The following TAFA4 variants were observed in gnomAD, a reference collection of about 807,000 sequenced individuals.
TAFA4 encodes the protein chemokine-like protein TAFA-4.
In TAFA4, 20 loss-of-function variants were observed where a neutral mutation model predicts 21.1. The observed-to-expected ratio is 0.95, with a 90% CI of 0.67 to 1.38. The LOEUF (loss-of-function observed/expected upper bound fraction) is 1.38. TAFA4 is among the 40% of genes most tolerant of loss of function. TAFA4 has a pLI of 0.00. For missense variants in TAFA4, 211 were observed against 180.9 expected, an observed-to-expected ratio of 1.17 and a Z score of -0.95; for synonymous variants, 71 against 67.4, an observed-to-expected ratio of 1.05 and a Z score of -0.26.
At chr3:68,745,803 C>T (rs1157698874) in intron 4 of TAFA4, among the ~76,000 whole-genome samples, 1 of 152,206 alleles carries the variant, frequency 6.6e-6, no homozygotes, top group Non-Finnish European at 1.5e-5. Context: ...GCTCACTTTT[C>T]ATGAGTTGGA....
At chr3:68,837,953 G>A (rs1045398319) in intron 3 of TAFA4, among the ~76,000 whole-genome samples, 4 of 151,734 alleles carry the variant, frequency 2.6e-5, no homozygotes, top group Admixed American at 6.6e-5. Context: ...TGTATACATC[G>A]TGGAATCTCT....
intron 4 of TAFA4, among the ~76,000 whole-genome samples, chr3:68,748,539 G>A (rs907845810): frequency 3.3e-5 from 5 of 152,120 alleles, no homozygotes; most frequent in Admixed American, 2.0e-4. Context: ...TCAGGAGATC[G>A]AGACCATCCT....
intron 3 of TAFA4, among the ~76,000 whole-genome samples, chr3:68,809,598 C>T (rs1266772962): frequency 6.9e-6 from 1 of 145,618 alleles, no homozygotes; most frequent in East Asian, 2.0e-4. Context: ...TCTTTTGTTG[C>T]CAGTGCTCTG....
At chr3:68,825,443 A>G (rs1461925368) in intron 3 of TAFA4, among the ~76,000 whole-genome samples, 5 of 151,578 alleles carry the variant, frequency 3.3e-5, no homozygotes, top group African/African-American at 1.2e-4. Flanking sequence ...AAATTATTCT[A>G]TTATAAAGAT....
chr3:68,760,439 G>T (rs888061938), intron 3 of TAFA4, among the ~76,000 whole-genome samples: 1 of 152,176 alleles, frequency 6.6e-6, no homozygotes, highest in African/African-American at 2.4e-5. Context: ...GAAAGCATCA[G>T]ATTAGGGAGA....
intron 3 of TAFA4, among the ~76,000 whole-genome samples, chr3:68,800,503 C>A (rs183914629): frequency 6.6e-6 from 1 of 152,146 alleles, no homozygotes; most frequent in Non-Finnish European, 1.5e-5. Flanking sequence ...TCAAACTTGT[C>A]GAAACAGATA....
chr3:68,742,835 T>C (rs1363812256), intron 4 of TAFA4, among the ~76,000 whole-genome samples: 1 of 152,158 alleles, frequency 6.6e-6, no homozygotes, highest in Non-Finnish European at 1.5e-5. Flanking sequence ...TCAAACAAGC[T>C]CTTGAAGAGA....
intron 3 of TAFA4, among the ~76,000 whole-genome samples, chr3:68,805,822 AG>A (rs1703685181): frequency 6.6e-6 from 1 of 150,594 alleles, no homozygotes; most frequent in African/African-American, 2.5e-5. Context: ...GGGGGAGGAG[AG>A]GGGGATAGTA....
chr3:68,858,577 C>T (rs986333953), intron 3 of TAFA4, among the ~76,000 whole-genome samples: 27 of 146,158 alleles, frequency 1.8e-4, no homozygotes, highest in African/African-American at 5.3e-4. Flanking sequence ...TTCCAAGTGA[C>T]GTGTGTGTGT....
At chr3:68,919,320 GA>G (rs2090035055) in intron 1 of TAFA4, among the ~76,000 whole-genome samples, 1 of 152,172 alleles carries the variant, frequency 6.6e-6, no homozygotes, top group Non-Finnish European at 1.5e-5. Flanking sequence ...AAACAAGGAG[GA>G]AAATGCCTGA....
At chr3:68,858,511 A>AT (rs530290496) in intron 3 of TAFA4, among the ~76,000 whole-genome samples, 1 of 151,062 alleles carries the variant, frequency 6.6e-6, no homozygotes. Context: ...CCAATTGAAA[A>AT]TTTTTTTTCA....
chr3:68,802,180 C>G (rs1026718994), intron 3 of TAFA4, among the ~76,000 whole-genome samples: 6 of 152,112 alleles, frequency 3.9e-5, no homozygotes, highest in Non-Finnish European at 7.4e-5. Flanking sequence ...CACCAGTTAG[C>G]TAACTTTCAT....
At chr3:68,776,884 T>C (rs565157736) in intron 3 of TAFA4, among the ~76,000 whole-genome samples, 2 of 152,182 alleles carry the variant, frequency 1.3e-5, no homozygotes, top group East Asian at 1.9e-4. Context: ...AGCAACAAAT[T>C]ACTAAATAAT....
intron 3 of TAFA4, among the ~76,000 whole-genome samples, chr3:68,852,944 T>C (rs1704984310): frequency 6.6e-6 from 1 of 152,162 alleles, no homozygotes; most frequent in Non-Finnish European, 1.5e-5. Context: ...GTTAATCCTT[T>C]TGGATTTAAA....
intron 1 of TAFA4, among the ~76,000 whole-genome samples, chr3:68,927,561 T>C (rs2090120202): frequency 6.6e-6 from 1 of 152,242 alleles, no homozygotes; most frequent in Non-Finnish European, 1.5e-5. Flanking sequence ...GCCATATTTT[T>C]ATCTTTTTAA....
intron 3 of TAFA4, among the ~76,000 whole-genome samples, chr3:68,809,722 G>C (rs927540395): frequency 6.6e-6 from 1 of 151,934 alleles, no homozygotes; most frequent in Non-Finnish European, 1.5e-5. Context: ...ATTTTGAGTT[G>C]ATTTTTGTAC....
chr3:68,909,689 T>C (rs898576910), intron 1 of TAFA4, among the ~76,000 whole-genome samples: 1 of 152,218 alleles, frequency 6.6e-6, no homozygotes, highest in African/African-American at 2.4e-5. Context: ...GCCTCTACTA[T>C]CAGATGGGAC....
chr3:68,756,574 G>C (rs1415268091), intron 3 of TAFA4, among the ~76,000 whole-genome samples: 1 of 152,114 alleles, frequency 6.6e-6, no homozygotes, highest in Non-Finnish European at 1.5e-5. Flanking sequence ...AATGTTTTCT[G>C]GACCATCCCT....
chr3:68,837,529 C>T (rs1462669033), intron 3 of TAFA4, among the ~76,000 whole-genome samples: 3 of 152,128 alleles, frequency 2.0e-5, no homozygotes, highest in Non-Finnish European at 4.4e-5. Flanking sequence ...ACATATGGGG[C>T]TTTCTAAAAA....
Sources: allele counts gnomAD v4.1 joint callset (sites outside exome capture counted in the v4.1 genomes callset), GRCh38; gene constraint gnomAD v4.1.1; transcripts MANE v1.5; gene names NCBI Gene and HGNC (gene_info 2026-07-23, HGNC 2026-07-21).